The following SV2B variants were observed in gnomAD, a reference collection of about 807,000 sequenced individuals.
SV2B encodes synaptic vesicle glycoprotein 2B.
SV2B carries 41 observed loss-of-function variants against 73.9 expected under a neutral mutation model. That is an observed-to-expected ratio of 0.56 (90% confidence interval 0.43 to 0.72). The LOEUF is 0.72. Among genes scored for constraint, SV2B ranks in the 30% least tolerant of loss-of-function variants. The probability of loss-of-function intolerance (pLI) is 0.00; values close to 1 mark genes in which losing one functional copy is unlikely to be tolerated. For synonymous variants in SV2B, 314 were observed against 314.2 expected (o/e 1.00, Z 0.01); for missense variants, 764 against 857.8 (o/e 0.89, Z 1.37).
chr15:91,147,163 T>C (rs2043170139), intron 1 of SV2B, among the ~76,000 whole-genome samples: 1 of 152,250 alleles, frequency 6.6e-6, no homozygotes, highest in African/African-American at 2.4e-5. Flanking sequence ...AGCCTTAAAC[T>C]CTTCACATGT....
In SV2B at chr15:91,110,950, C is replaced by G. The variant is rs2042018230; in HGVS notation, c.-392+10587C>G. ...AAACTTAAGGCAAAGAAGAGAAACT[C>G]AAATGGGACAATGGAGAAGTAGATG... On this transcript the variant is annotated intron_variant, in intron 1 of 12. Coordinates refer to ENST00000394232, the MANE Select transcript of SV2B (RefSeq NM_001323032.3). The surrounding 1 kb of genome is among the most constrained non-coding windows in gnomAD (Gnocchi z 5.4). 6.6e-6 allele frequency among the ~76,000 whole-genome samples: 1 copy of G among 152,302 alleles called. No individual in the cohort carries two copies. The highest frequency in any genetic ancestry group is 2.1e-4 in the South Asian group (1 of 4,828).
Position 91,124,941 on chromosome 15 carries a change from A to T in SV2B, c.-392+24578A>T, listed in dbSNP as rs960310800. ...AGTGCTGATATTACAGGTGTGAGCC[A>T]CTGCGCCCAGCCCAGAAATTTATTT... On this transcript the variant is annotated intron_variant, in intron 1 of 12. Transcript: ENST00000394232. This position sits in a 1 kb window ranked among gnomAD's most constrained non-coding sequence, Gnocchi z 4.6. Among the ~76,000 whole-genome samples the T allele has an allele frequency of 2.6e-5, 4 of 152,200 alleles. No homozygotes were observed. Among genetic ancestry groups the T allele is most frequent in the African/African-American group, 9.7e-5 (4 of 41,444 alleles).
rs1398068267 is a variant in SV2B, at chr15:91,227,297, G to T, written c.451+583G>T. Among the ~76,000 whole-genome samples, 4 of 152,214 alleles carry T rather than the reference G, an allele frequency of 2.6e-5. No individual in the cohort carries two copies. The highest frequency in any genetic ancestry group is 2.6e-4 in the Admixed American group (4 of 15,280). The stretch of plus-strand genomic sequence containing the variant: ...GGAACCATGCTGTGAAGCACAGATG[G>T]ATTCTGCAGGATAGAGGACCAGCTT... On this transcript the variant is annotated intron_variant, in intron 2 of 12. Coordinates refer to ENST00000394232, the MANE Select transcript of SV2B (RefSeq NM_001323032.3). The surrounding 1 kb of genome is among the most constrained non-coding windows in gnomAD (Gnocchi z 4.5).
At chr15:91,103,164 G>A (rs2041784698) in intron 1 of SV2B, among the ~76,000 whole-genome samples, 1 of 152,200 alleles carries the variant, frequency 6.6e-6, no homozygotes, top group Non-Finnish European at 1.5e-5. Flanking sequence ...GTAGATATAA[G>A]TACTTGTGGT....
chr15:91,244,259 T>A (rs1233916907), intron 2 of SV2B, among the ~76,000 whole-genome samples: 2 of 152,246 alleles, frequency 1.3e-5, no homozygotes, highest in African/African-American at 4.8e-5. Context: ...GTCTTACATA[T>A]GGCAGGAGAT....
chr15:91,231,069 C>T lies in SV2B; in HGVS notation c.451+4355C>T, dbSNP rs1044315322. Among the ~76,000 whole-genome samples, 1 of 152,010 alleles carries T rather than the reference C, an allele frequency of 6.6e-6. No individual in the cohort carries two copies. The highest frequency in any genetic ancestry group is 1.5e-5 in the Non-Finnish European group (1 of 68,028). On this transcript the variant is annotated intron_variant, in intron 2 of 12. Transcript: ENST00000394232. This position sits in a 1 kb window ranked among gnomAD's most constrained non-coding sequence, Gnocchi z 4.5. ...TTTTGGTGGTTGATGAGTGAATCCACATGTATTTTAACCTTTCATGGGATA... is the reference window on the plus strand; with the variant it reads ...TTTTGGTGGTTGATGAGTGAATCCATATGTATTTTAACCTTTCATGGGATA...
intron 1 of SV2B, among the ~76,000 whole-genome samples, chr15:91,120,566 C>T (rs1370749959): frequency 1.3e-5 from 2 of 152,068 alleles, no homozygotes; most frequent in Admixed American, 1.3e-4. Context: ...GTAATCTCAG[C>T]AGTTTGGGAG....
At position 91,240,996 on chromosome 15, in the gene SV2B, T is replaced by C. The variant is rs765480506; in HGVS notation, c.452-10823T>C. Among the ~76,000 whole-genome samples the C allele has an allele frequency of 2.0e-5, 3 of 152,186 alleles. No individual in the cohort carries two copies. Among genetic ancestry groups the C allele is most frequent in the Non-Finnish European group, 2.9e-5 (2 of 68,022 alleles). On this transcript the variant is annotated intron_variant, in intron 2 of 12. Transcript: ENST00000394232. This position sits in a 1 kb window ranked among gnomAD's most constrained non-coding sequence, Gnocchi z 4.6. ...CTTGTCATCAGAGAGCATCACTTAC[T>C]ACACATTCTTGTTGCAGTCATCCAC...
intron 1 of SV2B, among the ~76,000 whole-genome samples, chr15:91,143,729 G>A (rs1372840997): frequency 6.6e-6 from 1 of 152,174 alleles, no homozygotes; most frequent in Non-Finnish European, 1.5e-5. Flanking sequence ...TGATGATTCA[G>A]ACGATTCTGA....
At position 91,245,529 on chromosome 15, in the gene SV2B, T is replaced by C. The variant is rs543450265; in HGVS notation, c.452-6290T>C. 6.6e-6 allele frequency among the ~76,000 whole-genome samples: 1 copy of C among 152,320 alleles called. No homozygotes were observed. The highest frequency in any genetic ancestry group is 2.1e-4 in the South Asian group (1 of 4,830). On this transcript the variant is annotated intron_variant, in intron 2 of 12. Transcript: ENST00000394232. This position sits in a 1 kb window ranked among gnomAD's most constrained non-coding sequence, Gnocchi z 4.2. ...ACCTTTTATACATTTTGGGGGGTAT[T>C]CCTCAGATTTTCTTACAGTGAATAG...
At chr15:91,248,076 C>G (rs2047315465) in intron 2 of SV2B, among the ~76,000 whole-genome samples, 1 of 152,174 alleles carries the variant, frequency 6.6e-6, no homozygotes. Flanking sequence ...AATCCCAGCA[C>G]TTTGGGAGGC....
At chr15:91,126,748 GA>G (rs1215689571) in intron 1 of SV2B, among the ~76,000 whole-genome samples, 2 of 152,098 alleles carry the variant, frequency 1.3e-5, no homozygotes, top group Non-Finnish European at 2.9e-5. Flanking sequence ...TGGAATAAAA[GA>G]AAAAACTTAC....
intron 9 of SV2B, among the ~76,000 whole-genome samples, chr15:91,270,812 TGGGGG>T (rs1446146661): frequency 3.6e-5 from 3 of 82,616 alleles, no homozygotes; most frequent in Non-Finnish European, 5.2e-5. Flanking sequence ...CTGTGGATGA[TGGGGG>T]GATGGTGAAT....
In SV2B at chr15:91,254,239, T is replaced by C. The variant is rs939066725; in HGVS notation, c.784+1719T>C. On this transcript the variant is annotated intron_variant, in intron 4 of 12. Coordinates refer to ENST00000394232, the MANE Select transcript of SV2B (RefSeq NM_001323032.3). ...CTAAGGGATTATTTTCACTTCTTTT[T>C]TTTTTTTTTTTTTCTGAGACAGAGT... 6.5e-4 allele frequency among the ~76,000 whole-genome samples: 99 copies of C among 151,360 alleles called. 1 individual carries two copies. The highest frequency in any genetic ancestry group is 2.1e-4 in the South Asian group (1 of 4,788).
In SV2B at chr15:91,236,928, T is replaced by A. The variant is rs1043094949; in HGVS notation, c.451+10214T>A. Among the ~76,000 whole-genome samples the A allele has an allele frequency of 6.6e-6, 1 of 151,546 alleles. No individual in the cohort carries two copies. Among genetic ancestry groups the A allele is most frequent in the African/African-American group, 2.4e-5 (1 of 41,258 alleles). ...AATGTGATCTTTCCAACATGGCAGC[T>A]CCAGGGTAGCTGGATTTTTTTTTTT... On this transcript the variant is annotated intron_variant, in intron 2 of 12. Coordinates refer to ENST00000394232, the MANE Select transcript of SV2B (RefSeq NM_001323032.3). The surrounding 1 kb of genome is among the most constrained non-coding windows in gnomAD (Gnocchi z 4.1).
At position 91,123,056 on chromosome 15, in the gene SV2B, A is replaced by C. The variant is rs1472599986; in HGVS notation, c.-392+22693A>C. Among the ~76,000 whole-genome samples, 1 of 152,178 alleles carries C rather than the reference A, an allele frequency of 6.6e-6. No individual in the cohort carries two copies. The highest frequency in any genetic ancestry group is 1.9e-4 in the East Asian group (1 of 5,200). On this transcript the variant is annotated intron_variant, in intron 1 of 12. Coordinates refer to ENST00000394232, the MANE Select transcript of SV2B (RefSeq NM_001323032.3). This position sits in a 1 kb window ranked among gnomAD's most constrained non-coding sequence, Gnocchi z 4.7. ...GAGGCTGAGGTGGGAGGATCACTTG[A>C]GCTCAGGAGTTTGAGACCAGCCTGG...
At chr15:91,164,049 G>A (rs1374101302) in intron 1 of SV2B, among the ~76,000 whole-genome samples, 3 of 152,070 alleles carry the variant, frequency 2.0e-5, no homozygotes, top group African/African-American at 7.2e-5. Context: ...GTTTTTATCA[G>A]GTTTGTCAAA....
chr15:91,233,371 G>C (rs2046657457), intron 2 of SV2B, among the ~76,000 whole-genome samples: 1 of 152,186 alleles, frequency 6.6e-6, no homozygotes, highest in Non-Finnish European at 1.5e-5. Context: ...GGAAAGAAAT[G>C]AATGAGCCCA....
Position 91,129,251 on chromosome 15 carries a change from A to C in SV2B, c.-392+28888A>C, listed in dbSNP as rs1206208978. On this transcript the variant is annotated intron_variant, in intron 1 of 12. Coordinates refer to ENST00000394232, the MANE Select transcript of SV2B (RefSeq NM_001323032.3). This position sits in a 1 kb window ranked among gnomAD's most constrained non-coding sequence, Gnocchi z 5.1. ...AGGTCAAAGATATCCAACCTTAAGA[A>C]AGTTAGAGTCAAGTGGGTTGAATAC... 1.3e-5 allele frequency among the ~76,000 whole-genome samples: 2 copies of C among 152,208 alleles called. No individual in the cohort carries two copies. The highest frequency in any genetic ancestry group is 3.9e-4 in the East Asian group (2 of 5,188).
Sources: allele counts gnomAD v4.1 joint callset (sites outside exome capture counted in the v4.1 genomes callset), GRCh38; gene constraint gnomAD v4.1.1; non-coding constraint Gnocchi (gnomAD v3.1); transcripts MANE v1.5; gene names NCBI Gene and HGNC (gene_info 2026-07-23, HGNC 2026-07-21).